TEX15: variants seen among roughly 807,000 people sequenced by gnomAD.
TEX15 encodes testis expressed 15, meiosis and synapsis associated.
A neutral mutation model predicts 237.3 loss-of-function variants in TEX15; 171 were observed. The observed-to-expected ratio is 0.72, with a 90% CI of 0.64 to 0.82. The LOEUF is 0.82. Ranked by LOEUF, TEX15 falls within the 40% of genes least tolerant of loss-of-function variation. TEX15 has a pLI of 0.00. For missense variants in TEX15, 3,750 were observed against 3,646.5 expected, an observed-to-expected ratio of 1.03 and a Z score of -0.73; for synonymous variants, 1,338 against 1,269.8, an observed-to-expected ratio of 1.05 and a Z score of -1.14.
chr8:30,875,968 A>G (rs978939657), intron 3 of TEX15, among the ~76,000 whole-genome samples: 3 of 151,998 alleles, frequency 2.0e-5, no homozygotes, highest in Non-Finnish European at 4.4e-5. Context: ...CAGGCCCAAC[A>G]TGCCCAGCTA....
intron 1 of TEX15, among the ~76,000 whole-genome samples, chr8:30,912,029 G>A (rs1276570679): frequency 6.6e-6 from 1 of 152,204 alleles, no homozygotes; most frequent in South Asian, 2.1e-4. Context: ...AACAGCCACA[G>A]CGCCGGGACA....
intron 1 of TEX15, among the ~76,000 whole-genome samples, chr8:30,905,088 A>T (rs758110450): frequency 6.6e-6 from 1 of 152,186 alleles, no homozygotes; most frequent in Non-Finnish European, 1.5e-5. Flanking sequence ...ATCAAGAATG[A>T]ATTTTAATAT....
intron 1 of TEX15, among the ~76,000 whole-genome samples, chr8:30,911,768 G>A (rs894988229): frequency 3.3e-5 from 5 of 152,150 alleles, no homozygotes; most frequent in African/African-American, 1.2e-4. Flanking sequence ...CAGCGCGGTG[G>A]CCATGCGCCT....
At chr8:30,841,916 T>C in intron 8 of TEX15, 88 bp downstream of exon 8, 1 of 912,188 alleles carries the variant, frequency 1.1e-6, no homozygotes, top group South Asian at 2.2e-5. Context: ...TCTTAACTTT[T>C]AGAATTCTGC....
At chr8:30,912,563 G>A (rs1323431625) in intron 1 of TEX15, among the ~76,000 whole-genome samples, 1 of 152,304 alleles carries the variant, frequency 6.6e-6, no homozygotes, top group East Asian at 1.9e-4. Context: ...AGCTCCGTGG[G>A]GCTCAGCGGG....
In TEX15 at chr8:30,846,217, T is replaced by C; in HGVS notation, c.3950A>G (p.Asp1317Gly). The change falls in exon 8 of 11, where the codon GAT becomes GGT. Residue 1317 changes from aspartate to glycine, a missense_variant. Asp to Gly is a moderately conservative substitution (Grantham distance 94, BLOSUM62 -1). Transcript: ENST00000643185. The stretch of plus-strand genomic sequence containing the variant: ...CCCATAAATTTTATGTCGTCTTAAA[T>C]CTTTATGTGGTATGTTCTGATCCCT... ...SSRDQNIPHK[D>G]LRRHKIYGRK... 6.2e-7 allele frequency: 1 copy of C among 1,613,480 alleles called. No homozygotes were observed. Among genetic ancestry groups the C allele is most frequent in the African/African-American group, 1.3e-5 (1 of 75,018 alleles).
chr8:30,850,851 T>G (rs1276987640), intron 7 of TEX15, among the ~76,000 whole-genome samples: 1 of 151,968 alleles, frequency 6.6e-6, no homozygotes, highest in Admixed American at 6.5e-5. Context: ...AAATGCATGA[T>G]AAACAATACT....
rs766469474 is a variant in TEX15 at position 30,845,668 on chromosome 8, T to G, written c.4499A>C (p.His1500Pro). The change falls in exon 8 of 11, where the codon CAC (histidine) becomes CCC (proline). Residue 1500 changes from histidine (H) to proline (P), a missense_variant. Coordinates refer to ENST00000643185, the MANE Select transcript of TEX15 (RefSeq NM_001350162.2). Reference sequence around the variant, plus strand: ...TTCTCCCATGTGACTGGTGGTGGGGTGACTTTTTGAGACACTGCTAGCCAT... The same window carrying G: ...TTCTCCCATGTGACTGGTGGTGGGGGGACTTTTTGAGACACTGCTAGCCAT... ...KSMASSVSKS[H>P]PTTSHMGEFC... 1 of 1,613,546 alleles carries G rather than the reference T, an allele frequency of 6.2e-7. No individual in the cohort carries two copies. The highest frequency in any genetic ancestry group is 8.5e-7 in the Non-Finnish European group (1 of 1,179,610).
intron 3 of TEX15, among the ~76,000 whole-genome samples, chr8:30,879,922 A>T (rs1808481919): frequency 8.3e-6 from 1 of 120,440 alleles, no homozygotes. Context: ...ATTTATTTAG[A>T]TTTCCTTTTT....
In TEX15 at chr8:30,867,380, G is replaced by A. The variant is rs1808195589; in HGVS notation, c.425C>T (p.Thr142Ile). 2 of 1,530,882 alleles carry A rather than the reference G, an allele frequency of 1.3e-6. No homozygotes were observed. The highest frequency in any genetic ancestry group is 8.8e-7 in the Non-Finnish European group (1 of 1,142,536). The allele number at this position is 1,530,882 out of a possible 1,614,324, so 94.8% of individuals were successfully genotyped here. A position where few individuals can be genotyped will look rare whatever the true frequency, so the allele number is the denominator to read the frequency against. Reference protein sequence around the residue: ...YQNGISTRASTLKILGNPLLG... With the variant: ...YQNGISTRASILKILGNPLLG... ...AAGAGGATTTCCTAGTATCTTCAATGTAGATGCTCTGGTACTTATTCCATT... is the reference window on the plus strand; with the variant it reads ...AAGAGGATTTCCTAGTATCTTCAATATAGATGCTCTGGTACTTATTCCATT... Residue 142 changes from threonine (T) to isoleucine (I), a missense_variant, in exon 5 of 11, where the codon ACA (threonine) becomes ATA (isoleucine). Transcript: ENST00000643185.
At chr8:30,908,598 A>C (rs1809156801) in intron 1 of TEX15, among the ~76,000 whole-genome samples, 1 of 152,194 alleles carries the variant, frequency 6.6e-6, no homozygotes, top group Admixed American at 6.5e-5. Flanking sequence ...TCCGGAAAAG[A>C]GGTTACAAGG....
intron 4 of TEX15, among the ~76,000 whole-genome samples, chr8:30,871,265 C>T (rs1396721174): frequency 6.6e-6 from 1 of 152,026 alleles, no homozygotes; most frequent in Non-Finnish European, 1.5e-5. Context: ...AGGATGTGGA[C>T]ATCTTTGGGG....
At chr8:30,841,040 T>G (rs1220288397) in intron 8 of TEX15, among the ~76,000 whole-genome samples, 2 of 152,144 alleles carry the variant, frequency 1.3e-5, no homozygotes, top group African/African-American at 2.4e-5. Context: ...GCTTCAACCT[T>G]CCAAGTAGTT....
chr8:30,853,612 T>C (rs1807837688), intron 7 of TEX15, among the ~76,000 whole-genome samples: 1 of 152,174 alleles, frequency 6.6e-6, no homozygotes, highest in Admixed American at 6.5e-5. Flanking sequence ...TATGCAAATA[T>C]TGACCCAGTC....
At chr8:30,905,612 T>G (rs1244828785) in intron 1 of TEX15, among the ~76,000 whole-genome samples, 1 of 151,814 alleles carries the variant, frequency 6.6e-6, no homozygotes, top group Admixed American at 6.6e-5. Flanking sequence ...CCAGACCACC[T>G]GGTCTGTGGC....
At chr8:30,838,100 A>C (rs1423021174) in intron 9 of TEX15, 39 bp from the exon 10 acceptor site, 14 of 1,480,926 alleles carry the variant, frequency 9.5e-6, no homozygotes, top group Non-Finnish European at 1.3e-5. Context: ...GAATTTAAAT[A>C]TATAGGGTCA....
intron 1 of TEX15, among the ~76,000 whole-genome samples, chr8:30,905,734 C>CAAAAAAAAAAA (rs34079195): frequency 1.1e-3 from 56 of 50,942 alleles, no homozygotes; most frequent in Middle Eastern, 0.015. Flanking sequence ...ACAAAAAATA[C>CAAAAAAAAAAA]AAAAAAAAAA....
At chr8:30,886,047 CT>C (rs1333986022) in intron 3 of TEX15, among the ~76,000 whole-genome samples, 1 of 152,126 alleles carries the variant, frequency 6.6e-6, no homozygotes, top group Non-Finnish European at 1.5e-5. Context: ...GTTCCAACAC[CT>C]GTGTCAATCT....
At chr8:30,871,155 T>C (rs1166076059) in intron 4 of TEX15, among the ~76,000 whole-genome samples, 1 of 152,010 alleles carries the variant, frequency 6.6e-6, no homozygotes, top group African/African-American at 2.4e-5. Context: ...CCCACTAATA[T>C]CACCTCAGAT....
Sources: allele counts gnomAD v4.1 joint callset (sites outside exome capture counted in the v4.1 genomes callset), GRCh38; gene constraint gnomAD v4.1.1; transcripts MANE v1.5; gene names NCBI Gene and HGNC (gene_info 2026-07-23, HGNC 2026-07-21).